The following SOX5 variants were observed in gnomAD, a reference collection of about 807,000 sequenced individuals.
SOX5 encodes transcription factor SOX-5.
In SOX5, 9 loss-of-function variants were observed where a neutral mutation model predicts 92.0. The observed-to-expected ratio is 0.10, with a 90% CI of 0.06 to 0.17. SOX5 has a LOEUF of 0.17. Ranked by LOEUF, SOX5 falls within the 10% of genes least tolerant of loss-of-function variation. The pLI is 1.00. For missense variants in SOX5, 642 were observed against 944.5 expected, an observed-to-expected ratio of 0.68 and a Z score of 4.20; for synonymous variants, 344 against 336.3, an observed-to-expected ratio of 1.02 and a Z score of -0.25.
intron 4 of SOX5, among the ~76,000 whole-genome samples, chr12:24,182,342 T>C (rs1955583572): frequency 6.6e-6 from 1 of 152,178 alleles, no homozygotes. Flanking sequence ...TTAATAACTT[T>C]AAGCAAGAAC....
chr12:23,924,030 C>T (rs1337640826), intron 1 of SOX5, among the ~76,000 whole-genome samples: 1 of 152,142 alleles, frequency 6.6e-6, no homozygotes, highest in African/African-American at 2.4e-5. Context: ...AAATGAAAAA[C>T]ATTGAGGGAG....
chr12:23,690,936 C>A (rs1028319985), intron 6 of SOX5, among the ~76,000 whole-genome samples: 3 of 152,182 alleles, frequency 2.0e-5, no homozygotes, highest in African/African-American at 4.8e-5. Context: ...AATCCTGATT[C>A]TTGTCTTCCT....
chr12:24,277,171 G>C (rs997587487), intron 3 of SOX5: 2 of 151,706 alleles, frequency 1.3e-5, no homozygotes, highest in Non-Finnish European at 2.9e-5. Flanking sequence ...AAATAGAATA[G>C]TTATCAATTT....
Position 23,970,841 on chromosome 12 carries a change from A to ATATATATTTT in SOX5, c.-1-74818_-1-74817insAAAATATATA. On this transcript the variant is annotated intron_variant, in intron 4 of 4. Coordinates refer to the SOX5 transcript ENST00000446891. ...ACATGGGACTTTATATATATATATA[A>ATATATATTTT]TTTTTTTTTTTTTTTAAGAAATGGG... Among the ~76,000 whole-genome samples the ATATATATTTT allele has an allele frequency of 4.4e-3, 96 of 21,880 alleles. 24 individuals carry two copies. The highest frequency in any genetic ancestry group is 7.4e-3 in the Non-Finnish European group (72 of 9,704). 14.4% of individuals were successfully genotyped at this position (21,880 alleles called of 152,430 possible).
At chr12:24,514,790 A>G (rs1486795479) in intron 1 of SOX5, among the ~76,000 whole-genome samples, 1 of 152,204 alleles carries the variant, frequency 6.6e-6, no homozygotes, top group Non-Finnish European at 1.5e-5. Flanking sequence ...TCCTTAGCAA[A>G]CTAACATAAG....
chr12:24,270,937 C>T (rs550624857), intron 3 of SOX5, among the ~76,000 whole-genome samples: 263 of 152,228 alleles, frequency 1.7e-3, no homozygotes, highest in African/African-American at 5.8e-3. Flanking sequence ...GAGTTATTTC[C>T]GGATTTTTTG....
chr12:24,255,335 C>A (rs891880431), intron 3 of SOX5, among the ~76,000 whole-genome samples: 1 of 152,118 alleles, frequency 6.6e-6, no homozygotes, highest in East Asian at 1.9e-4. Context: ...AGGAAAATAG[C>A]TTTCCCATTA....
intron 3 of SOX5, among the ~76,000 whole-genome samples, chr12:24,213,916 T>C (rs935211089): frequency 6.6e-6 from 1 of 151,886 alleles, no homozygotes; most frequent in African/African-American, 2.4e-5. Flanking sequence ...CTGAGACAAT[T>C]ACAACCATTT....
At chr12:24,034,664 A>G (rs1290440957) in intron 4 of SOX5, among the ~76,000 whole-genome samples, 1 of 151,796 alleles carries the variant, frequency 6.6e-6, no homozygotes, top group Non-Finnish European at 1.5e-5. Flanking sequence ...ACAGGCAGGC[A>G]ACAGTACTTC....
rs117185389 is a variant in SOX5 at position 23,974,351 on chromosome 12, C to T, written c.-1-78327G>A. ...CATGGGAGTGTTGATATCTCTTTGA[C>T]GTACCAATATTCATTTTTTTTCATG... On this transcript the variant is annotated intron_variant, in intron 4 of 4. Coordinates refer to the SOX5 transcript ENST00000446891. Among the ~76,000 whole-genome samples the T allele has an allele frequency of 2.0e-4, 30 of 152,080 alleles. No homozygotes were observed. The East Asian group carries it at 2.1e-3, about 11-fold the overall frequency.
chr12:24,337,443 C>T (rs548466374), intron 2 of SOX5, among the ~76,000 whole-genome samples: 14 of 151,782 alleles, frequency 9.2e-5, no homozygotes, highest in Middle Eastern at 3.4e-3. Context: ...CAAGTTCAAG[C>T]GATCCTCCCA....
chr12:24,319,754 G>T (rs550309), intron 2 of SOX5, among the ~76,000 whole-genome samples: 132,170 of 152,146 alleles, frequency 0.87, 57,784 homozygotes, highest in East Asian at 0.98. Flanking sequence ...TTATGGAGAA[G>T]CTAGTTAGAG....
At chr12:23,826,248 C>A (rs981384479) in intron 3 of SOX5, among the ~76,000 whole-genome samples, 2 of 144,342 alleles carry the variant, frequency 1.4e-5, no homozygotes, top group Non-Finnish European at 1.5e-5. Context: ...TTGTTCAGTT[C>A]CCACCTATGA....
At chr12:23,540,633 CTA>C (rs1248745820) in intron 13 of SOX5, among the ~76,000 whole-genome samples, 1 of 152,102 alleles carries the variant, frequency 6.6e-6, no homozygotes, top group African/African-American at 2.4e-5. Flanking sequence ...TACTGTATAT[CTA>C]ATCAGAAAAA....
At chr12:24,089,985 A>T (rs557778893) in intron 4 of SOX5, among the ~76,000 whole-genome samples, 34 of 152,298 alleles carry the variant, frequency 2.2e-4, no homozygotes, top group African/African-American at 7.0e-4. Flanking sequence ...CCTTTATTCA[A>T]GGAATCAATA....
chr12:23,986,996 C>T (rs1950120959), intron 4 of SOX5, among the ~76,000 whole-genome samples: 1 of 152,136 alleles, frequency 6.6e-6, no homozygotes, highest in Non-Finnish European at 1.5e-5. Flanking sequence ...CTCTCAAGTA[C>T]AGAATGTAGT....
intron 4 of SOX5, among the ~76,000 whole-genome samples, chr12:24,203,908 C>G (rs968469771): frequency 3.9e-5 from 6 of 152,042 alleles, no homozygotes; most frequent in Admixed American, 3.9e-4. Context: ...GTGGGGTACC[C>G]TGAATACTCT....
chr12:24,034,383 A>G (rs1036240216), intron 4 of SOX5, among the ~76,000 whole-genome samples: 1 of 151,894 alleles, frequency 6.6e-6, no homozygotes, highest in Non-Finnish European at 1.5e-5. Context: ...TCTGGTAACC[A>G]TGTGTGGTAG....
intron 1 of SOX5, among the ~76,000 whole-genome samples, chr12:24,466,228 C>T (rs1022352753): frequency 6.6e-6 from 1 of 151,800 alleles, no homozygotes; most frequent in Non-Finnish European, 1.5e-5. Flanking sequence ...CTTCTTCCTT[C>T]TTTCTTCTTC....
Sources: gnomAD v4.1 joint callset for allele counts (sites outside exome capture counted in the v4.1 genomes callset) on GRCh38, gnomAD v4.1.1 for gene constraint, MANE v1.5 for transcripts, NCBI Gene and HGNC (gene_info 2026-07-23, HGNC 2026-07-21) for gene names.